JARID2: variants seen among roughly 807,000 people sequenced by gnomAD.
JARID2 encodes jumonji and AT-rich interaction domain containing 2.
Under a neutral mutation model 125.6 loss-of-function variants are expected in JARID2, and 21 were observed. That is an observed-to-expected ratio of 0.17 (90% CI 0.12 to 0.24). The LOEUF is 0.24. JARID2 is among the 10% of genes least tolerant of loss of function. The probability of loss-of-function intolerance (pLI) is 1.00; values close to 1 mark genes in which losing one functional copy is unlikely to be tolerated. For synonymous variants in JARID2, 736 were observed against 661.6 expected, an observed-to-expected ratio of 1.11 and a Z score of -1.73; for missense variants, 1,303 against 1,639.6, an observed-to-expected ratio of 0.79 and a Z score of 3.55.
At position 15,303,519 on chromosome 6, in the gene JARID2, T is replaced by G. The variant is rs1418606971; in HGVS notation, c.45+56935T>G. ...GGTGCTTTTTAAGCCTTAGGGCTTC[T>G]TTAAAGTCCAACATTTTTGTTCATA... On this transcript the variant is annotated intron_variant, in intron 1 of 17. Coordinates refer to ENST00000341776, the MANE Select transcript of JARID2 (RefSeq NM_004973.4). 2.6e-5 allele frequency among the ~76,000 whole-genome samples: 4 copies of G among 152,264 alleles called. No homozygotes were observed. In the South Asian group the frequency reaches 6.2e-4, roughly 24 times the overall value.
At chr6:15,392,680 C>CCT (rs35490641) in intron 2 of JARID2, among the ~76,000 whole-genome samples, 1 of 120,918 alleles carries the variant, frequency 8.3e-6, no homozygotes. Context: ...GATTAAGAGA[C>CCT]TTTTTTTTTT....
At chr6:15,504,959 C>A (rs2127751599) in intron 9 of JARID2, among the ~76,000 whole-genome samples, 1 of 152,292 alleles carries the variant, frequency 6.6e-6, no homozygotes, top group Non-Finnish European at 1.5e-5. Flanking sequence ...CTTGAAACCA[C>A]AGTTGTGCTT....
intron 2 of JARID2, among the ~76,000 whole-genome samples, chr6:15,410,017 T>G (rs770511222): frequency 2.0e-5 from 3 of 152,224 alleles, no homozygotes; most frequent in African/African-American, 4.8e-5. Flanking sequence ...TGAAATTGTT[T>G]CCCTCTTAGG....
chr6:15,393,061 C>A (rs566659653), intron 2 of JARID2, among the ~76,000 whole-genome samples: 5 of 152,230 alleles, frequency 3.3e-5, no homozygotes, highest in African/African-American at 9.6e-5. Context: ...ATCAGTGCAG[C>A]CATAGAGGCA....
chr6:15,521,644 T>C lies in JARID2; in HGVS notation c.*1393T>C, dbSNP rs1240672530. On this transcript the variant is annotated 3_prime_UTR_variant, in exon 18 of 18. Coordinates refer to ENST00000341776, the MANE Select transcript of JARID2 (RefSeq NM_004973.4). ...GGAAACTGTTTTCACAAGCTGTTCTTTGTTTCATAATTGGATTCATCAATC... is the reference window on the plus strand; with the variant it reads ...GGAAACTGTTTTCACAAGCTGTTCTCTGTTTCATAATTGGATTCATCAATC... The C allele has an allele frequency of 6.6e-6, 1 of 152,236 alleles. No individual in the cohort carries two copies. The highest frequency in any genetic ancestry group is 1.5e-5 in the Non-Finnish European group (1 of 68,030). The allele number at this position is 152,236 out of a possible 1,614,324, so 9.4% of individuals were successfully genotyped here. A position where few individuals can be genotyped will look rare whatever the true frequency, so the allele number is the denominator to read the frequency against.
At chr6:15,445,361 T>TGAA in intron 3 of JARID2, among the ~76,000 whole-genome samples, 1 of 152,248 alleles carries the variant, frequency 6.6e-6, no homozygotes, top group East Asian at 1.9e-4. Flanking sequence ...GTGTGTATCT[T>TGAA]GCTGTGCTCC....
Position 15,433,420 on chromosome 6 carries a change from G to C in JARID2, c.324-18586G>C, listed in dbSNP as rs879718959. 7.9e-3 allele frequency among the ~76,000 whole-genome samples: 812 copies of C among 102,300 alleles called. 6 individuals carry two copies. Among genetic ancestry groups the C allele is most frequent in the Middle Eastern group, 0.048 (7 of 146 alleles). The allele number at this position is 102,300 out of a possible 152,430, so 67.1% of individuals were successfully genotyped here. A position where few individuals can be genotyped will look rare whatever the true frequency, so the allele number is the denominator to read the frequency against. The stretch of plus-strand genomic sequence containing the variant: ...AACCCCCATGTCTCTCTGTGTGTGT[G>C]TGTGTGTGTGTGTGTGTGTGTGTGT... On this transcript the variant is annotated intron_variant, in intron 3 of 17. Coordinates refer to ENST00000341776, the MANE Select transcript of JARID2 (RefSeq NM_004973.4).
At chr6:15,300,819 G>A (rs1163679360) in intron 1 of JARID2, among the ~76,000 whole-genome samples, 1 of 151,718 alleles carries the variant, frequency 6.6e-6, no homozygotes. Context: ...AGGTGTTACA[G>A]GATGCAGTAA....
intron 5 of JARID2, among the ~76,000 whole-genome samples, chr6:15,482,118 C>T (rs1769648238): frequency 6.6e-6 from 1 of 152,228 alleles, no homozygotes; most frequent in Non-Finnish European, 1.5e-5. Flanking sequence ...CAGTCACACT[C>T]TTCAAGTGTC....
intron 1 of JARID2, among the ~76,000 whole-genome samples, chr6:15,247,115 C>T (rs1384068010): frequency 6.6e-6 from 1 of 151,818 alleles, no homozygotes; most frequent in Non-Finnish European, 1.5e-5. Context: ...GCAACATAAA[C>T]CAGTTGGGAA....
At chr6:15,371,674 C>T (rs1764176374) in intron 1 of JARID2, among the ~76,000 whole-genome samples, 1 of 152,132 alleles carries the variant, frequency 6.6e-6, no homozygotes, top group Non-Finnish European at 1.5e-5. Context: ...TATTTGGGTT[C>T]CTCCATTTTT....
chr6:15,461,136 C>A (rs1184917205), intron 4 of JARID2, among the ~76,000 whole-genome samples: 2 of 152,182 alleles, frequency 1.3e-5, no homozygotes, highest in East Asian at 3.9e-4. Context: ...CATAGATAGA[C>A]CTTGTGGCAT....
intron 1 of JARID2, among the ~76,000 whole-genome samples, chr6:15,363,816 C>G (rs1763881552): frequency 6.6e-6 from 1 of 151,986 alleles, no homozygotes; most frequent in African/African-American, 2.4e-5. Flanking sequence ...TTCTGGAGGC[C>G]CATACCTGTA....
chr6:15,277,817 G>A (rs528007079), intron 1 of JARID2, among the ~76,000 whole-genome samples: 9 of 149,654 alleles, frequency 6.0e-5, no homozygotes, highest in East Asian at 2.0e-4. Context: ...CCATGTAGTT[G>A]CAAAAGGCAA....
intron 1 of JARID2, among the ~76,000 whole-genome samples, chr6:15,279,583 C>T (rs1760673916): frequency 6.6e-6 from 1 of 152,208 alleles, no homozygotes; most frequent in Middle Eastern, 3.2e-3. Flanking sequence ...GCCTGATTAA[C>T]ACCACTTGCA....
chr6:15,403,789 A>G (rs1311759277), intron 2 of JARID2, among the ~76,000 whole-genome samples: 1 of 152,194 alleles, frequency 6.6e-6, no homozygotes, highest in Non-Finnish European at 1.5e-5. Flanking sequence ...TTGATTTACA[A>G]ATCAGTATTT....
intron 1 of JARID2, among the ~76,000 whole-genome samples, chr6:15,255,511 A>G (rs1242538378): frequency 6.6e-6 from 1 of 152,188 alleles, no homozygotes; most frequent in Non-Finnish European, 1.5e-5. Context: ...TTACTGGGAC[A>G]GGAGAATGTG....
intron 1 of JARID2, among the ~76,000 whole-genome samples, chr6:15,291,903 T>G (rs1179061572): frequency 6.6e-6 from 1 of 152,234 alleles, no homozygotes; most frequent in African/African-American, 2.4e-5. Context: ...GTCATAGCAT[T>G]TTCTTATGTT....
intron 6 of JARID2, among the ~76,000 whole-genome samples, chr6:15,494,654 C>T (rs1269592795): frequency 3.3e-5 from 5 of 152,100 alleles, no homozygotes; most frequent in South Asian, 4.1e-4. Context: ...GTGATCCACC[C>T]GCCTCGGCCT....
Sources: allele counts gnomAD v4.1 joint callset (sites outside exome capture counted in the v4.1 genomes callset), GRCh38; gene constraint gnomAD v4.1.1; transcripts MANE v1.5; gene names NCBI Gene and HGNC (gene_info 2026-07-23, HGNC 2026-07-21).